The following GPR55 variants were observed in gnomAD, a reference collection of about 807,000 sequenced individuals.
The protein encoded by GPR55 is G-protein coupled receptor 55.
In GPR55, 6 loss-of-function variants were observed where a neutral mutation model predicts 7.9. The observed-to-expected ratio is 0.76, with a 90% CI of 0.41 to 1.49. The LOEUF is 1.49. GPR55 is among the 40% of genes most tolerant of loss of function. GPR55 has a pLI of 0.01. For missense variants in GPR55, 376 were observed against 406.0 expected (o/e 0.93, Z 0.63); for synonymous variants, 183 against 166.8 (o/e 1.10, Z -0.75).
chr2:230,942,824 G>A (rs779179954), intron 1 of GPR55, among the ~76,000 whole-genome samples: 1 of 152,052 alleles, frequency 6.6e-6, no homozygotes, highest in Non-Finnish European at 1.5e-5. Flanking sequence ...ACAAGAATGG[G>A]GTAAGGGGGA....
chr2:230,957,363 C>CG (rs1399820113), intron 1 of GPR55, among the ~76,000 whole-genome samples: 2 of 152,218 alleles, frequency 1.3e-5, no homozygotes, highest in African/African-American at 4.8e-5. Flanking sequence ...CCATGACAGT[C>CG]GATCACTGAC....
intron 1 of GPR55, among the ~76,000 whole-genome samples, chr2:230,935,073 A>T (rs1321029791): frequency 6.6e-6 from 1 of 151,732 alleles, no homozygotes; most frequent in East Asian, 2.0e-4. Flanking sequence ...CTCAGAGGAA[A>T]CGCCTGGGGT....
At chr2:230,928,132 G>A (rs1186366786), upstream of GPR55, among the ~76,000 whole-genome samples, 2 of 152,302 alleles carry the variant, frequency 1.3e-5, no homozygotes, top group East Asian at 3.9e-4. Flanking sequence ...GGCAGGAGCC[G>A]AGGCTGGAAG....
At chr2:230,948,938 G>A (rs1262876660) in intron 1 of GPR55, among the ~76,000 whole-genome samples, 16 of 152,080 alleles carry the variant, frequency 1.1e-4, no homozygotes, top group Admixed American at 2.0e-4. Flanking sequence ...GTTTGGTGGC[G>A]TGCGCCTGTA....
At chr2:230,925,913 T>C (rs1324949811), upstream of GPR55, among the ~76,000 whole-genome samples, 1 of 152,014 alleles carries the variant, frequency 6.6e-6, no homozygotes, top group Admixed American at 6.5e-5. Flanking sequence ...ATCTCCCACC[T>C]TCAGGGCTGG....
chr2:230,923,194 T>TC lies in GPR55; in HGVS notation c.-135+1973dup, dbSNP rs1296709241. 6.6e-6 allele frequency among the ~76,000 whole-genome samples: 1 copy of TC among 152,172 alleles called. No homozygotes were observed. Among genetic ancestry groups the TC allele is most frequent in the Non-Finnish European group, 1.5e-5 (1 of 68,022 alleles). Reference sequence around the variant, plus strand: ...TGTGGCTCCACACCAGACCTACCTTTCTTCCCTCTGTGGCCTGGACTTTCC... The same window carrying TC: ...TGTGGCTCCACACCAGACCTACCTTTCCTTCCCTCTGTGGCCTGGACTTTCC... On this transcript the variant is annotated intron_variant, in intron 1 of 1. Coordinates refer to ENST00000650999, the MANE Select transcript of GPR55 (RefSeq NM_005683.4). The surrounding 1 kb of genome is among the most constrained non-coding windows in gnomAD (Gnocchi z 4.1).
At chr2:230,942,716 G>A (rs1691252566) in intron 1 of GPR55, among the ~76,000 whole-genome samples, 1 of 152,102 alleles carries the variant, frequency 6.6e-6, no homozygotes, top group South Asian at 2.1e-4. Context: ...GCAGCCAGTG[G>A]GAGATGGGAG....
At chr2:230,942,636 C>T (rs1691251350) in intron 1 of GPR55, among the ~76,000 whole-genome samples, 1 of 151,210 alleles carries the variant, frequency 6.6e-6, no homozygotes, top group Non-Finnish European at 1.5e-5. Flanking sequence ...GCCAAAAGAG[C>T]AGAGGGAGGG....
chr2:230,945,361 T>C (rs765451379), intron 1 of GPR55, among the ~76,000 whole-genome samples: 5 of 119,790 alleles, frequency 4.2e-5, no homozygotes, highest in Non-Finnish European at 8.0e-5. Flanking sequence ...TTGCTGTGCA[T>C]TGAGAATGCA....
intron 1 of GPR55, among the ~76,000 whole-genome samples, chr2:230,960,375 A>G (rs1340708421): frequency 6.6e-6 from 1 of 152,234 alleles, no homozygotes. Context: ...TAATTTCTAA[A>G]AGGGAAGGCA....
At chr2:230,920,185 G>A (rs1284447912) in intron 1 of GPR55, among the ~76,000 whole-genome samples, 1 of 151,758 alleles carries the variant, frequency 6.6e-6, no homozygotes, top group Non-Finnish European at 1.5e-5. Context: ...TGCTTGGTGG[G>A]GAAAAAGGAG....
chr2:230,927,765 G>A (rs746241369), upstream of GPR55, among the ~76,000 whole-genome samples: 20 of 152,240 alleles, frequency 1.3e-4, no homozygotes, highest in Non-Finnish European at 2.6e-4. Flanking sequence ...ATCAAAGAGC[G>A]GGTCCAGGAT....
chr2:230,919,437 A>G (rs1002239673), intron 1 of GPR55, among the ~76,000 whole-genome samples: 2 of 152,194 alleles, frequency 1.3e-5, no homozygotes, highest in Non-Finnish European at 2.9e-5. Flanking sequence ...GAATAACATC[A>G]AGAACAACAA....
At chr2:230,925,071 C>T (rs1473559791) in intron 1 of GPR55, 97 bp downstream of exon 1, 1 of 152,700 alleles carries the variant, frequency 6.5e-6, no homozygotes, top group Middle Eastern at 3.1e-3. Flanking sequence ...CCACACAAGC[C>T]CCACTGATCT....
At chr2:230,939,125 A>C (rs1330696279) in intron 1 of GPR55, among the ~76,000 whole-genome samples, 1 of 152,238 alleles carries the variant, frequency 6.6e-6, no homozygotes, top group African/African-American at 2.4e-5. Context: ...TTGTCCCTGC[A>C]GCCCTGGGGC....
chr2:230,947,273 T>C (rs1179749270), intron 1 of GPR55, among the ~76,000 whole-genome samples: 2 of 152,190 alleles, frequency 1.3e-5, no homozygotes, highest in Non-Finnish European at 2.9e-5. Context: ...TTAGGTGTGC[T>C]GCAGCAGCAA....
In GPR55 at chr2:230,949,927, C is replaced by T. The variant is rs148331864; in HGVS notation, c.-135+10848G>A. 5.4e-3 allele frequency among the ~76,000 whole-genome samples: 817 copies of T among 151,872 alleles called. 35 individuals are homozygous for T. In the East Asian group the frequency reaches 0.13, roughly 24 times the overall value. ...TCGGCTCACTACAACCTCCGCCTCC[C>T]GGGTTCAAGCAATTCTCTGCCTCAG... On this transcript the variant is annotated intron_variant, in intron 1 of 1. Transcript: ENST00000392039.
intron 1 of GPR55, among the ~76,000 whole-genome samples, chr2:230,953,183 A>C (rs10165520): frequency 0.061 from 9,333 of 152,150 alleles, 696 homozygotes; most frequent in East Asian, 0.4. Context: ...GAGCATTGTT[A>C]GGGGCTTCTG....
At chr2:230,951,567 C>T (rs1019337799) in intron 1 of GPR55, among the ~76,000 whole-genome samples, 5 of 152,160 alleles carry the variant, frequency 3.3e-5, no homozygotes, top group African/African-American at 4.8e-5. Flanking sequence ...AACTTGGCAA[C>T]ACATACCAGG....
Sources: gnomAD v4.1 joint callset for allele counts (sites outside exome capture counted in the v4.1 genomes callset) on GRCh38, gnomAD v4.1.1 for gene constraint, Gnocchi (gnomAD v3.1) non-coding constraint, MANE v1.5 for transcripts, NCBI Gene and HGNC (gene_info 2026-07-23, HGNC 2026-07-21) for gene names.